DCAF5: variants seen among roughly 807,000 people sequenced by gnomAD.
DCAF5 encodes the protein DDB1- and CUL4-associated factor 5.
DCAF5 carries 9 observed loss-of-function variants against 80.7 expected under a neutral mutation model. The observed-to-expected ratio is 0.11, with a 90% CI of 0.07 to 0.19. The LOEUF is 0.19. Among genes scored for constraint, DCAF5 ranks in the 10% least tolerant of loss-of-function variants. The pLI is 1.00. For synonymous variants in DCAF5, 433 were observed against 461.9 expected (o/e 0.94, Z 0.80); for missense variants, 842 against 1,205.7 (o/e 0.70, Z 4.47).
intron 1 of DCAF5, among the ~76,000 whole-genome samples, chr14:69,131,956 AGT>A (rs1318387810): frequency 6.6e-6 from 1 of 152,090 alleles, no homozygotes; most frequent in Non-Finnish European, 1.5e-5. Context: ...TCCATGTTGT[AGT>A]GTGTGTCAAT....
At chr14:69,078,541 C>T (rs2038981623) in intron 6 of DCAF5, among the ~76,000 whole-genome samples, 1 of 152,206 alleles carries the variant, frequency 6.6e-6, no homozygotes, top group African/African-American at 2.4e-5. Flanking sequence ...GAGGTGGAAT[C>T]AATCCCCTAT....
rs80230232 is a variant in DCAF5 at position 69,115,060 on chromosome 14, T to C, written c.665+1306A>G. Among the ~76,000 whole-genome samples, 13 of 152,354 alleles carry C rather than the reference T, an allele frequency of 8.5e-5. No individual in the cohort carries two copies. The East Asian group carries it at 2.5e-3, about 29-fold the overall frequency. ...TGCAGTTTGTCCAAATCCTGCCTTT[T>C]GTAATACGGATGAGGCAGAACAGTT... On this transcript the variant is annotated intron_variant, in intron 5 of 8. Transcript: ENST00000341516.
At chr14:69,067,702 T>G (rs572662368) in intron 7 of DCAF5, among the ~76,000 whole-genome samples, 2 of 151,800 alleles carry the variant, frequency 1.3e-5, no homozygotes, top group African/African-American at 4.8e-5. Flanking sequence ...AGTGGCGTGA[T>G]CTCGGCTCAC....
At chr14:69,141,354 TTTTTC>T (rs144701959) in intron 1 of DCAF5, among the ~76,000 whole-genome samples, 10,225 of 151,872 alleles carry the variant, frequency 0.067, 474 homozygotes, top group South Asian at 0.11. Context: ...TTTTTTTTTC[TTTTTC>T]TTTTATTATT....
intron 1 of DCAF5, chr14:69,143,704 T>C (rs774076452): frequency 1.3e-5 from 2 of 152,434 alleles, no homozygotes; most frequent in African/African-American, 2.4e-5. Flanking sequence ...GCTTATATTA[T>C]AATGGCAGTG....
chr14:69,087,634 G>A (rs896182831), intron 6 of DCAF5, among the ~76,000 whole-genome samples: 1 of 152,132 alleles, frequency 6.6e-6, no homozygotes, highest in Admixed American at 6.5e-5. Context: ...TAGCCAAAAG[G>A]GGGGAAGACA....
intron 5 of DCAF5, among the ~76,000 whole-genome samples, chr14:69,101,691 T>G (rs1378395680): frequency 6.6e-6 from 1 of 152,144 alleles, no homozygotes. Flanking sequence ...ATAGAGAGTA[T>G]TCACACAAAC....
At chr14:69,127,253 T>C (rs1270484799) in intron 1 of DCAF5, among the ~76,000 whole-genome samples, 1 of 152,222 alleles carries the variant, frequency 6.6e-6, no homozygotes, top group Non-Finnish European at 1.5e-5. Flanking sequence ...TCCTTCAGTA[T>C]GTAAATGGAT....
At position 69,054,913 on chromosome 14, in the gene DCAF5, C is replaced by T. The variant is rs745808597; in HGVS notation, c.1773G>A (p.Gln591=). 1.4e-5 allele frequency: 23 copies of T among 1,614,116 alleles called. No homozygotes were observed. In the Admixed American group the frequency reaches 2.0e-4, roughly 14 times the overall value. Residue 591 remains glutamine (Q), a synonymous_variant, in exon 9 of 9, where the codon CAG becomes CAA. Coordinates refer to ENST00000341516, the MANE Select transcript of DCAF5 (RefSeq NM_003861.3). Reference sequence around the variant, plus strand: ...TGGGCTTGTCTTCTCGGGTTGTCTTCTGTCGGCGCCGCATGGCATTCCGCT... The same window carrying T: ...TGGGCTTGTCTTCTCGGGTTGTCTTTTGTCGGCGCCGCATGGCATTCCGCT... The part of the protein sequence containing the change: ...TWQRNAMRRR[Q]KTTREDKPSA...
chr14:69,091,066 G>C (rs574604609), intron 6 of DCAF5: 1 of 750,004 alleles, frequency 1.3e-6, no homozygotes, highest in African/African-American at 1.7e-5. Flanking sequence ...TAAACTGCCA[G>C]CTTTAAGTCA....
In DCAF5 at chr14:69,152,992, CCGCCGCCGCTCG is replaced by C; in HGVS notation, c.-26_-15del. On this transcript the variant is annotated 5_prime_UTR_variant, in exon 1 of 9. Transcript: ENST00000341516. This position sits in a 1 kb window ranked among gnomAD's most constrained non-coding sequence, Gnocchi z 4.1. ...TCTCCTCTTCATGCTGGAACCGCCG[CCGCCGCCGCTCG>C]CGCCGCCGCCCCTCCCTCGGCCTCA... 2 of 1,547,390 alleles carry C rather than the reference CCGCCGCCGCTCG, an allele frequency of 1.3e-6. No individual in the cohort carries two copies. The highest frequency in any genetic ancestry group is 1.7e-6 in the Non-Finnish European group (2 of 1,152,840).
chr14:69,142,405 A>G (rs932427241), intron 1 of DCAF5, among the ~76,000 whole-genome samples: 1 of 152,200 alleles, frequency 6.6e-6, no homozygotes, highest in Non-Finnish European at 1.5e-5. Context: ...TGAGTCCAAG[A>G]CCGGAACCAA....
At chr14:69,110,054 T>C (rs550815802) in intron 5 of DCAF5, among the ~76,000 whole-genome samples, 2 of 152,228 alleles carry the variant, frequency 1.3e-5, no homozygotes, top group Non-Finnish European at 2.9e-5. Context: ...TTTGCACTGC[T>C]CTCATGAGTG....
In DCAF5 at chr14:69,067,656, T is replaced by C. The variant is rs73277015; in HGVS notation, c.947-5145A>G. ...CACCTAATCCAGCCCAGATATTCTT[T>C]TTTTTTTAAGATGGAGTCTCACCAG... On this transcript the variant is annotated intron_variant, in intron 7 of 8. Transcript: ENST00000341516. Among the ~76,000 whole-genome samples, 1,367 of 151,760 alleles carry C rather than the reference T, an allele frequency of 9.0e-3. 23 individuals are homozygous for C. The highest frequency in any genetic ancestry group is 0.031 in the African/African-American group (1,297 of 41,354).
intron 6 of DCAF5, chr14:69,084,013 C>G: frequency 1.3e-6 from 1 of 781,264 alleles, no homozygotes; most frequent in South Asian, 1.3e-5. Context: ...AGTATCAGAC[C>G]ACCTCTGGAA....
At position 69,125,940 on chromosome 14, in the gene DCAF5, TA is replaced by T. The variant is rs1267960789; in HGVS notation, c.215-3581del. Among the ~76,000 whole-genome samples, 9 of 151,022 alleles carry T rather than the reference TA, an allele frequency of 6.0e-5. No homozygotes were observed. The East Asian group carries it at 9.7e-4, about 16-fold the overall frequency. ...TTTAAGTGTATCTGTAGTGTTTCTTTAAAAAAAAATACAGAAGTGATTTTAG... is the reference window on the plus strand; with the variant it reads ...TTTAAGTGTATCTGTAGTGTTTCTTTAAAAAAAATACAGAAGTGATTTTAG... On this transcript the variant is annotated intron_variant, in intron 1 of 8. Transcript: ENST00000341516.
At chr14:69,138,282 T>C (rs1420863866) in intron 1 of DCAF5, among the ~76,000 whole-genome samples, 2 of 152,220 alleles carry the variant, frequency 1.3e-5, no homozygotes, top group Non-Finnish European at 2.9e-5. Context: ...GACAGGCATC[T>C]GGATTTGCAA....
At chr14:69,103,998 T>C (rs2040050205) in intron 5 of DCAF5, among the ~76,000 whole-genome samples, 1 of 152,188 alleles carries the variant, frequency 6.6e-6, no homozygotes, top group East Asian at 1.9e-4. Context: ...ATTCACCTAA[T>C]GAAGGACATG....
rs372758352 is a variant in DCAF5 at position 69,152,754 on chromosome 14, G to T, written c.214+11C>A. ...CGGGGAGGCGCGGGGAGGGGAAGGG[G>T]GTTGATTTACCTGAGACCAGCCACT... On this transcript the variant is annotated intron_variant, in intron 1 of 8. Coordinates refer to ENST00000341516, the MANE Select transcript of DCAF5 (RefSeq NM_003861.3). This position sits in a 1 kb window ranked among gnomAD's most constrained non-coding sequence, Gnocchi z 4.1. 2 of 1,610,624 alleles carry T rather than the reference G, an allele frequency of 1.2e-6. No homozygotes were observed. The highest frequency in any genetic ancestry group is 1.7e-6 in the Non-Finnish European group (2 of 1,178,518).
Sources: allele counts gnomAD v4.1 joint callset (sites outside exome capture counted in the v4.1 genomes callset), GRCh38; gene constraint gnomAD v4.1.1; non-coding constraint Gnocchi (gnomAD v3.1); transcripts MANE v1.5; gene names NCBI Gene and HGNC (gene_info 2026-07-23, HGNC 2026-07-21).